Variants in GFOD2 observed in about 807,000 individuals in gnomAD.
GFOD2 encodes the protein Gfo/Idh/MocA-like oxidoreductase domain containing 2.
A neutral mutation model predicts 24.6 loss-of-function variants in GFOD2; 9 were observed. The ratio of observed to expected loss-of-function variants is 0.37; its 90% CI spans 0.22 to 0.64. The LOEUF is 0.64. GFOD2 is among the 30% of genes least tolerant of loss of function. The pLI, the probability that GFOD2 is intolerant of heterozygous loss-of-function variation, is 0.65. For synonymous variants in GFOD2, 211 were observed against 224.8 expected, an observed-to-expected ratio of 0.94 and a Z score of 0.55; for missense variants, 476 against 532.5, an observed-to-expected ratio of 0.89 and a Z score of 1.04.
chr16:67,675,412 G>C lies in GFOD2; in HGVS notation c.901C>G (p.Leu301Val). The change falls in exon 3 of 3, where the codon CTG (leucine) becomes GTG (valine). Residue 301 changes from leucine (L) to valine (V), a missense_variant. Leu to Val is a conservative substitution (Grantham distance 32, BLOSUM62 1). Coordinates refer to ENST00000268797, the MANE Select transcript of GFOD2 (RefSeq NM_030819.4). ...TAGACCATGCCCTTCAGGTACAGCA[G>C]CGGGACATCCTGGGGCCCCTGCTCA... ...LPEQGPQDVP[L>V]LYLKGMVYMV... 6.2e-7 allele frequency: 1 copy of C among 1,613,076 alleles called. No homozygotes were observed. Among genetic ancestry groups the C allele is most frequent in the African/African-American group, 1.3e-5 (1 of 75,074 alleles).
chr16:67,684,779 G>T (rs2053253389), intron 2 of GFOD2: 1 of 984,288 alleles, frequency 1.0e-6, no homozygotes, highest in Non-Finnish European at 1.2e-6. Context: ...TAGATAAAGA[G>T]AAGAAGTTGA....
intron 1 of GFOD2, among the ~76,000 whole-genome samples, chr16:67,689,920 T>C (rs1166906900): frequency 1.3e-5 from 2 of 152,222 alleles, no homozygotes; most frequent in Non-Finnish European, 2.9e-5. Context: ...CTCATCTAAG[T>C]GAAATCATGC....
In GFOD2 at chr16:67,685,496, G is replaced by A. The variant is rs767541437; in HGVS notation, c.220C>T (p.Pro74Ser). The A allele has an allele frequency of 3.1e-6, 5 of 1,614,172 alleles. No homozygotes were observed. The highest frequency in any genetic ancestry group is 3.4e-6 in the Non-Finnish European group (4 of 1,180,036). The change falls in exon 2 of 3, where the codon CCC becomes TCC. Residue 74 changes from proline to serine, a missense_variant. Physicochemically the swap from Pro to Ser is moderately conservative, Grantham distance 74. Transcript: ENST00000268797. ...QDVDLVCISIPPPLTRQISVK... is the reference protein window; with the variant it reads ...QDVDLVCISISPPLTRQISVK... The stretch of plus-strand genomic sequence containing the variant: ...GATATCTGCCGGGTGAGTGGAGGGG[G>A]GATGCTGATGCACACCAGATCCACA...
chr16:67,690,308 A>C (rs1216116770), intron 1 of GFOD2, among the ~76,000 whole-genome samples: 1 of 151,430 alleles, frequency 6.6e-6, no homozygotes, highest in African/African-American at 2.4e-5. Context: ...AAGACTTCTG[A>C]TTTCTCCACG....
At chr16:67,688,733 ACTT>A (rs2053286787) in intron 1 of GFOD2, among the ~76,000 whole-genome samples, 1 of 142,850 alleles carries the variant, frequency 7.0e-6, no homozygotes, top group Non-Finnish European at 1.5e-5. Flanking sequence ...CATAAAATTT[ACTT>A]TTTTTTTTTT....
chr16:67,705,628 C>T, intron 1 of GFOD2, among the ~76,000 whole-genome samples: 1 of 152,092 alleles, frequency 6.6e-6, no homozygotes, highest in Non-Finnish European at 1.5e-5. Flanking sequence ...GTGGTTCCAT[C>T]CAAGCTTTTA....
intron 1 of GFOD2, among the ~76,000 whole-genome samples, chr16:67,698,479 T>C (rs748209910): frequency 1.3e-5 from 2 of 152,164 alleles, no homozygotes; most frequent in Non-Finnish European, 2.9e-5. Flanking sequence ...TTGGATTTTT[T>C]TTCTTTTTCT....
Position 67,685,552 on chromosome 16 carries a change from C to T in GFOD2, c.164G>A (p.Ser55Asn). 3.1e-6 allele frequency: 5 copies of T among 1,614,200 alleles called. No individual in the cohort carries two copies. The highest frequency in any genetic ancestry group is 4.2e-6 in the Non-Finnish European group (5 of 1,180,030). ...ATGCAGCAAGATGTCATCAGTCCGG[C>T]TGGTGTAGAAGGCGATGTTCATCTC... ...AEEMNIAFYT[S>N]RTDDILLHQD... The change falls in exon 2 of 3, where the codon AGC becomes AAC. Residue 55 changes from serine (S) to asparagine (N), a missense_variant. Transcript: ENST00000268797.
intron 2 of GFOD2, chr16:67,685,207 G>A: frequency 7.1e-7 from 1 of 1,415,838 alleles, no homozygotes; most frequent in Admixed American, 2.9e-5. Context: ...ACCATCTCCA[G>A]CCCCTTGATG....
chr16:67,710,546 T>C (rs2053466436), intron 1 of GFOD2, among the ~76,000 whole-genome samples: 2 of 151,868 alleles, frequency 1.3e-5, no homozygotes, highest in Non-Finnish European at 2.9e-5. Context: ...TGTTTTTTAG[T>C]AGAGACGGGG....
intron 2 of GFOD2, chr16:67,682,239 G>C (rs536551379): frequency 5.0e-5 from 24 of 481,752 alleles, no homozygotes; most frequent in Middle Eastern, 2.1e-3. Context: ...GGTTTCACCA[G>C]GTTGGTCAGG....
intron 1 of GFOD2, among the ~76,000 whole-genome samples, chr16:67,712,893 G>A (rs1209059326): frequency 3.6e-5 from 4 of 112,634 alleles, no homozygotes; most frequent in Admixed American, 2.5e-4. Flanking sequence ...GTCTCTGCCC[G>A]GCCGCCCATC....
rs529980121 is a variant in GFOD2 at position 67,683,063 on chromosome 16, C to T, written c.259+2394G>A. The T allele has an allele frequency of 4.3e-5, 16 of 372,124 alleles. 1 individual carries two copies. The South Asian group carries it at 1.2e-3, about 28-fold the overall frequency. The allele number at this position is 372,124 out of a possible 1,614,324, so 23.1% of individuals were successfully genotyped here. ...GCAGCCTCTATCTCCTGGGCTCAAG[C>T]GATCCTTCTGCCTCAGCCTCCCAAG... On this transcript the variant is annotated intron_variant, in intron 2 of 2. Coordinates refer to ENST00000268797, the MANE Select transcript of GFOD2 (RefSeq NM_030819.4).
intron 1 of GFOD2, among the ~76,000 whole-genome samples, chr16:67,714,115 T>G (rs906490734): frequency 2.0e-5 from 3 of 152,094 alleles, no homozygotes; most frequent in African/African-American, 7.2e-5. Flanking sequence ...CCGTATGAAC[T>G]AGCTTTTCAT....
At position 67,675,550 on chromosome 16, in the gene GFOD2, C is replaced by T; in HGVS notation, c.763G>A (p.Gly255Ser). The T allele has an allele frequency of 1.2e-6, 2 of 1,613,454 alleles. No homozygotes were observed. Among genetic ancestry groups the T allele is most frequent in the Non-Finnish European group, 1.7e-6 (2 of 1,180,040 alleles). Residue 255 changes from glycine to serine, a missense_variant, in exon 3 of 3, where the codon GGC (glycine) becomes AGC (serine). Coordinates refer to ENST00000268797, the MANE Select transcript of GFOD2 (RefSeq NM_030819.4). ...CGGGCGACGAGGCGTCCTGCAGAGCCTACCACCATGACTTCATGCACAAAG... is the reference window on the plus strand; with the variant it reads ...CGGGCGACGAGGCGTCCTGCAGAGCTTACCACCATGACTTCATGCACAAAG... ...GAFVHEVMVV[G>S]SAGRLVARGA...
chr16:67,705,046 G>C (rs973920854), intron 1 of GFOD2, among the ~76,000 whole-genome samples: 1 of 152,214 alleles, frequency 6.6e-6, no homozygotes, highest in African/African-American at 2.4e-5. Flanking sequence ...AAACCCACTG[G>C]GCACTGGGTA....
intron 1 of GFOD2, among the ~76,000 whole-genome samples, chr16:67,705,893 T>C (rs1403008053): frequency 1.4e-5 from 2 of 140,760 alleles, no homozygotes; most frequent in Non-Finnish European, 1.5e-5. Context: ...TGAGCCGAGA[T>C]CACGCCACTG....
chr16:67,712,397 T>C (rs1442828691), intron 1 of GFOD2, among the ~76,000 whole-genome samples: 2 of 137,524 alleles, frequency 1.5e-5, no homozygotes, highest in African/African-American at 5.4e-5. Flanking sequence ...CTGATTCTCC[T>C]GCCTCAGCCT....
At position 67,704,904 on chromosome 16, in the gene GFOD2, G is replaced by A. The variant is rs1429060543; in HGVS notation, c.-88+14259C>T. Among the ~76,000 whole-genome samples, 7 of 152,188 alleles carry A rather than the reference G, an allele frequency of 4.6e-5. No homozygotes were observed. In the South Asian group the frequency reaches 1.0e-3, roughly 22 times the overall value. ...TCAAACATCACAGACATTGTGTATC[G>A]CTTATCATCTGGCACCTGCCTCTGC... On this transcript the variant is annotated intron_variant, in intron 1 of 2. Coordinates refer to ENST00000268797, the MANE Select transcript of GFOD2 (RefSeq NM_030819.4).
Sources: allele counts gnomAD v4.1 joint callset (sites outside exome capture counted in the v4.1 genomes callset), GRCh38; gene constraint gnomAD v4.1.1; transcripts MANE v1.5; gene names NCBI Gene and HGNC (gene_info 2026-07-23, HGNC 2026-07-21).